Variants in PRDM5 observed in about 807,000 individuals in gnomAD.
The protein encoded by PRDM5 is PR domain zinc finger protein 5.
PRDM5 carries 56 observed loss-of-function variants against 81.2 expected under a neutral mutation model. The ratio of observed to expected loss-of-function variants is 0.69; its 90% CI spans 0.56 to 0.86. The LOEUF is 0.86. Among genes scored for constraint, PRDM5 ranks in the 40% least tolerant of loss-of-function variants. The pLI is 0.00. For synonymous variants in PRDM5, 267 were observed against 256.4 expected, an observed-to-expected ratio of 1.04 and a Z score of -0.39; for missense variants, 697 against 770.1, an observed-to-expected ratio of 0.91 and a Z score of 1.12.
At chr4:120,814,474 G>A (rs1754232613) in intron 7 of PRDM5, among the ~76,000 whole-genome samples, 2 of 152,166 alleles carry the variant, frequency 1.3e-5, no homozygotes, top group African/African-American at 4.8e-5. Context: ...AACACGCTGT[G>A]AGCTAAGTAT....
At position 120,710,334 on chromosome 4, in the gene PRDM5, G is replaced by A; in HGVS notation, c.1703C>T (p.Thr568Ile). Residue 568 changes from threonine (T) to isoleucine (I), a missense_variant, in exon 15 of 16, where the codon ACT becomes ATT. By Grantham distance (89) the Thr-to-Ile change is moderately conservative. Around this residue, in one of 3 missense-constraint regions of PRDM5, gnomAD observed 86 missense variants for 135.2 expected, o/e 0.64. Transcript: ENST00000264808. ...ATCACACTGAAAAGGCTTTTCTCCA[G>A]TGTGCGTCCTCTTGTGCTCATCCAG... ...RGLDEHKRTH[T>I]GEKPFQCDVC... 6.2e-7 allele frequency: 1 copy of A among 1,614,008 alleles called. No individual in the cohort carries two copies. Among genetic ancestry groups the A allele is most frequent in the South Asian group, 1.1e-5 (1 of 91,078 alleles).
At chr4:120,821,370 G>A (rs747553740) in intron 3 of PRDM5, 25 bp from the exon 4 acceptor site, 17 of 1,589,104 alleles carry the variant, frequency 1.1e-5, no homozygotes, top group Non-Finnish European at 1.5e-5. Flanking sequence ...TTTAAATGCT[G>A]AACCATTCAT....
chr4:120,804,237 C>A (rs961046599), intron 8 of PRDM5, among the ~76,000 whole-genome samples: 9 of 152,120 alleles, frequency 5.9e-5, no homozygotes, highest in African/African-American at 2.2e-4. Context: ...TTTAGACTCC[C>A]ACACAATAAT....
chr4:120,876,197 G>A (rs1579078638), intron 2 of PRDM5, among the ~76,000 whole-genome samples: 1 of 152,038 alleles, frequency 6.6e-6, no homozygotes, highest in East Asian at 1.9e-4. Flanking sequence ...TGTGAGACAC[G>A]CACATCCACA....
intron 4 of PRDM5, 43 bp downstream of exon 4, chr4:120,821,128 T>A: frequency 6.3e-7 from 1 of 1,594,660 alleles, no homozygotes; most frequent in Non-Finnish European, 8.6e-7. Context: ...CACTTTTTTC[T>A]ACAACTTTTC....
chr4:120,824,407 TC>T (rs1329768139), intron 3 of PRDM5, among the ~76,000 whole-genome samples: 2 of 152,202 alleles, frequency 1.3e-5, no homozygotes, highest in Non-Finnish European at 2.9e-5. Context: ...TTCCTGTGAC[TC>T]TGCCTAAGGG....
At chr4:120,708,810 G>T (rs1169980959) in intron 15 of PRDM5, among the ~76,000 whole-genome samples, 1 of 152,052 alleles carries the variant, frequency 6.6e-6, no homozygotes, top group African/African-American at 2.4e-5. Flanking sequence ...GAGGGAGAGA[G>T]ATTGGAGTGG....
chr4:120,852,772 TA>T (rs1213454150), intron 3 of PRDM5, among the ~76,000 whole-genome samples: 8 of 147,516 alleles, frequency 5.4e-5, no homozygotes, highest in Non-Finnish European at 7.4e-5. Flanking sequence ...TTTTTTATAT[TA>T]AAAAAAGGAT....
intron 12 of PRDM5, among the ~76,000 whole-genome samples, chr4:120,778,380 C>T: frequency 6.6e-6 from 1 of 151,928 alleles, no homozygotes; most frequent in East Asian, 1.9e-4. Context: ...TCTCAGAAGA[C>T]AACACTGGCT....
intron 2 of PRDM5, among the ~76,000 whole-genome samples, chr4:120,854,654 A>G (rs1352403100): frequency 6.6e-6 from 1 of 152,200 alleles, no homozygotes; most frequent in Non-Finnish European, 1.5e-5. Flanking sequence ...CCCAGAGCAC[A>G]TGGAACTTAA....
chr4:120,733,186 T>A (rs950814723), intron 14 of PRDM5, among the ~76,000 whole-genome samples: 1 of 152,184 alleles, frequency 6.6e-6, no homozygotes, highest in Non-Finnish European at 1.5e-5. Flanking sequence ...CCTAGTCTTA[T>A]TGTTCATTTT....
chr4:120,790,887 G>A (rs1303205407), intron 10 of PRDM5, among the ~76,000 whole-genome samples: 2 of 152,154 alleles, frequency 1.3e-5, no homozygotes, highest in Non-Finnish European at 2.9e-5. Context: ...AGGCTGCAGT[G>A]AGTGGAGATC....
chr4:120,784,937 G>T, intron 11 of PRDM5, 61 bp downstream of exon 11: 1 of 1,342,772 alleles, frequency 7.4e-7, no homozygotes, highest in East Asian at 2.3e-5. Context: ...ATTCTCAAAG[G>T]TTATAAAAAC....
chr4:120,725,465 G>A (rs1739262071), intron 14 of PRDM5, among the ~76,000 whole-genome samples: 1 of 152,086 alleles, frequency 6.6e-6, no homozygotes, highest in Admixed American at 6.5e-5. Context: ...ACCAGAAACA[G>A]ATCACATTTC....
intron 15 of PRDM5, among the ~76,000 whole-genome samples, chr4:120,706,601 T>C: frequency 6.6e-6 from 1 of 151,834 alleles, no homozygotes; most frequent in East Asian, 1.9e-4. Context: ...AAGAAAGATT[T>C]CAAAGTTATT....
At chr4:120,885,357 G>C (rs1429772191) in intron 2 of PRDM5, 2 of 151,944 alleles carry the variant, frequency 1.3e-5, no homozygotes, top group Non-Finnish European at 2.9e-5. Flanking sequence ...GAAAAAACTT[G>C]GGTAACATTA....
intron 14 of PRDM5, among the ~76,000 whole-genome samples, chr4:120,744,437 G>C (rs1561058537): frequency 6.6e-6 from 1 of 151,828 alleles, no homozygotes; most frequent in Non-Finnish European, 1.5e-5. Context: ...AATCAGAGCA[G>C]AACTGAAGGA....
At chr4:120,794,436 TACC>T (rs1751038815) in intron 10 of PRDM5, among the ~76,000 whole-genome samples, 1 of 151,946 alleles carries the variant, frequency 6.6e-6, no homozygotes, top group African/African-American at 2.4e-5. Context: ...ATAAAATTTA[TACC>T]AGGCAAAGAG....
chr4:120,900,582 G>A (rs1302028458), intron 2 of PRDM5, among the ~76,000 whole-genome samples: 1 of 152,142 alleles, frequency 6.6e-6, no homozygotes, highest in African/African-American at 2.4e-5. Context: ...AAGTGAAGAG[G>A]GGAGTCAAGG....
Sources: gnomAD v4.1 joint callset for allele counts (sites outside exome capture counted in the v4.1 genomes callset) on GRCh38, gnomAD v4.1.1 for gene constraint, gnomAD v4.1.1 regional missense constraint, MANE v1.5 for transcripts, NCBI Gene and HGNC (gene_info 2026-07-23, HGNC 2026-07-21) for gene names.